FOCAD: variants seen among roughly 807,000 people sequenced by gnomAD.
FOCAD encodes the protein focadhesin.
FOCAD carries 198 observed loss-of-function variants against 225.6 expected under a neutral mutation model. That is an observed-to-expected ratio of 0.88 (90% CI 0.78 to 0.99). FOCAD has a LOEUF of 0.99. Among genes scored for constraint, FOCAD ranks in the 50% least tolerant of loss-of-function variants. The pLI is 0.00. For missense variants in FOCAD, 2,713 were observed against 2,123.6 expected, an observed-to-expected ratio of 1.28 and a Z score of -5.46; for synonymous variants, 897 against 755.0, an observed-to-expected ratio of 1.19 and a Z score of -3.08.
rs1837655922 is a variant in FOCAD at position 20,951,193 on chromosome 9, C to G, written c.4051+95C>G. On this transcript the variant is annotated intron_variant, in intron 34 of 43. Transcript: ENST00000338382. Reference sequence around the variant, plus strand: ...TAAGAGCATTAATCTTCACAACAACCCTAAGTAATGGGTATTACCATCTCT... The same window carrying G: ...TAAGAGCATTAATCTTCACAACAACGCTAAGTAATGGGTATTACCATCTCT... 12 of 899,666 alleles carry G rather than the reference C, an allele frequency of 1.3e-5. No homozygotes were observed. In the South Asian group the frequency reaches 1.7e-4, roughly 13 times the overall value. 55.7% of individuals were successfully genotyped at this position (899,666 alleles called of 1,614,324 possible). A position where few individuals can be genotyped will look rare whatever the true frequency, so the allele number is the denominator to read the frequency against.
chr9:20,739,003 C>G (rs902808717), intron 4 of FOCAD, among the ~76,000 whole-genome samples: 1 of 151,998 alleles, frequency 6.6e-6, no homozygotes, highest in African/African-American at 2.4e-5. Context: ...TTTGGACTAA[C>G]CATATTACTA....
intron 6 of FOCAD, among the ~76,000 whole-genome samples, chr9:20,763,524 C>T (rs992967693): frequency 1.3e-5 from 2 of 152,136 alleles, no homozygotes; most frequent in Non-Finnish European, 2.9e-5. Flanking sequence ...CTGATGTGAT[C>T]TGATCAAGGT....
In FOCAD at chr9:20,666,185, C is replaced by T. The variant is rs1821895329; in HGVS notation, c.-78+7359C>T. Among the ~76,000 whole-genome samples the T allele has an allele frequency of 2.0e-5, 3 of 152,280 alleles. No homozygotes were observed. The South Asian group carries it at 6.2e-4, about 32-fold the overall frequency. On this transcript the variant is annotated intron_variant, in intron 2 of 45. Coordinates refer to the FOCAD transcript ENST00000380249. ...ATTTGTTGTTAAAAATTCTGTAGTA[C>T]TATCTCATTGTTTAAACTATTTACC...
At position 20,862,608 on chromosome 9, in the gene FOCAD, C is replaced by G. The variant is rs755614619; in HGVS notation, c.1951C>G (p.Leu651Val). 35 of 1,613,210 alleles carry G rather than the reference C, an allele frequency of 2.2e-5. No individual in the cohort carries two copies. Among genetic ancestry groups the G allele is most frequent in the African/African-American group, 6.7e-5 (5 of 74,868 alleles). The part of the protein sequence containing the change: ...VVCIRSTWNA[L>V]SPKLSCDTRP... ...TTGCATTCGCTCCACTTGGAATGCTCTCTCTCCAAAGCTGAGTTGTGACAC... is the reference window on the plus strand; with the variant it reads ...TTGCATTCGCTCCACTTGGAATGCTGTCTCTCCAAAGCTGAGTTGTGACAC... Residue 651 changes from leucine to valine, a missense_variant, in exon 16 of 44, where the codon CTC becomes GTC. Leu to Val is a conservative substitution (Grantham distance 32). Coordinates refer to ENST00000338382, the MANE Select transcript of FOCAD (RefSeq NM_001375567.1).
chr9:20,954,445 A>T (rs1251887727), intron 35 of FOCAD, among the ~76,000 whole-genome samples: 1 of 152,166 alleles, frequency 6.6e-6, no homozygotes, highest in Non-Finnish European at 1.5e-5. Flanking sequence ...AATAAAAGTA[A>T]AAACTCTTAA....
At chr9:20,906,329 C>A (rs1012791537) in intron 21 of FOCAD, among the ~76,000 whole-genome samples, 1 of 151,954 alleles carries the variant, frequency 6.6e-6, no homozygotes, top group African/African-American at 2.4e-5. Flanking sequence ...CTCACTCTCT[C>A]TCTTTTTTTT....
chr9:20,866,286 A>G (rs1564088639), intron 17 of FOCAD, among the ~76,000 whole-genome samples: 1 of 151,958 alleles, frequency 6.6e-6, no homozygotes, highest in Non-Finnish European at 1.5e-5. Flanking sequence ...TTCCCCACCA[A>G]CAAGCATACC....
chr9:20,977,245 A>G (rs1051250794), intron 36 of FOCAD, among the ~76,000 whole-genome samples: 1 of 152,200 alleles, frequency 6.6e-6, no homozygotes, highest in Non-Finnish European at 1.5e-5. Flanking sequence ...AGGCTCACTT[A>G]CATAATCCAG....
chr9:20,846,502 G>T (rs554170040), intron 15 of FOCAD, among the ~76,000 whole-genome samples: 2 of 152,182 alleles, frequency 1.3e-5, no homozygotes, highest in East Asian at 3.9e-4. Context: ...AAGGAGAAAT[G>T]ACAGCTTTTA....
At chr9:20,902,515 A>G (rs1337320317) in intron 21 of FOCAD, among the ~76,000 whole-genome samples, 1 of 151,946 alleles carries the variant, frequency 6.6e-6, no homozygotes, top group African/African-American at 2.4e-5. Context: ...ATTATACAAA[A>G]GAGTTTGGGC....
chr9:20,912,853 G>T lies in FOCAD; in HGVS notation c.2719-13G>T, dbSNP rs756055539. 6.2e-7 allele frequency: 1 copy of T among 1,610,580 alleles called. No homozygotes were observed. The highest frequency in any genetic ancestry group is 1.7e-5 in the Admixed American group (1 of 59,858). On this transcript the variant is annotated splice_polypyrimidine_tract_variant and intron_variant, in intron 22 of 43. Transcript: ENST00000338382. ...TCGAGTTCACATGCTGATTTATGCT[G>T]TGATTTTTGCAGGGAAGACTAGGAG...
intron 21 of FOCAD, among the ~76,000 whole-genome samples, chr9:20,890,906 C>T (rs1478977250): frequency 4.0e-5 from 6 of 151,784 alleles, no homozygotes; most frequent in African/African-American, 1.5e-4. Context: ...ACAGACACAC[C>T]TCATTTTGTT....
chr9:20,729,734 A>G (rs779719501), intron 4 of FOCAD, among the ~76,000 whole-genome samples: 23 of 152,188 alleles, frequency 1.5e-4, no homozygotes, highest in Admixed American at 6.5e-5. Flanking sequence ...GGAGAGCCAC[A>G]TGGAAATAGG....
At chr9:20,663,014 A>G (rs888231374) in intron 2 of FOCAD, among the ~76,000 whole-genome samples, 22 of 152,218 alleles carry the variant, frequency 1.4e-4, no homozygotes, top group Admixed American at 6.5e-4. Flanking sequence ...CTTATAATGT[A>G]TCTTATTCTC....
chr9:20,973,948 T>A (rs574397364), intron 35 of FOCAD, among the ~76,000 whole-genome samples: 1,121 of 105,602 alleles, frequency 0.011, 33 homozygotes, highest in Middle Eastern at 0.019. Context: ...CTTTTTCCTA[T>A]GTTTCTCCTT....
intron 11 of FOCAD, among the ~76,000 whole-genome samples, chr9:20,806,251 A>G (rs530515697): frequency 2.0e-4 from 31 of 152,332 alleles, no homozygotes; most frequent in African/African-American, 7.5e-4. Flanking sequence ...GGTACTATTT[A>G]AATTATTCTA....
At chr9:20,750,357 A>G (rs914446240) in intron 5 of FOCAD, among the ~76,000 whole-genome samples, 1 of 152,192 alleles carries the variant, frequency 6.6e-6, no homozygotes, top group Non-Finnish European at 1.5e-5. Flanking sequence ...AAACAAACCT[A>G]TCTTGATGAT....
At chr9:20,813,934 T>C in intron 11 of FOCAD, among the ~76,000 whole-genome samples, 1 of 152,208 alleles carries the variant, frequency 6.6e-6, no homozygotes, top group East Asian at 1.9e-4. Context: ...TATATAATTA[T>C]CGTATTGTCC....
In FOCAD at chr9:20,929,464, T is replaced by C; in HGVS notation, c.3185T>C (p.Val1062Ala). The change falls in exon 27 of 44, where the codon GTT becomes GCT. Residue 1062 changes from valine to alanine, a missense_variant. Transcript: ENST00000338382. ...TTCATTATCTCTTGCAAAGAGAAGG[T>C]TGAGGAAATCCTGAACATGCTGACT... is the stretch of plus-strand genomic sequence containing the variant. ...PVFIISCKEK[V>A]EEILNMLTAR... The C allele has an allele frequency of 6.2e-7, 1 of 1,614,146 alleles. No individual in the cohort carries two copies. Among genetic ancestry groups the C allele is most frequent in the Non-Finnish European group, 8.5e-7 (1 of 1,180,022 alleles).
Sources: gnomAD v4.1 joint callset for allele counts (sites outside exome capture counted in the v4.1 genomes callset) on GRCh38, gnomAD v4.1.1 for gene constraint, MANE v1.5 for transcripts, NCBI Gene and HGNC (gene_info 2026-07-23, HGNC 2026-07-21) for gene names.